F13A1: variants seen among roughly 807,000 people sequenced by gnomAD.
F13A1 encodes coagulation factor XIII A chain.
Under a neutral mutation model 80.1 loss-of-function variants are expected in F13A1, and 47 were observed. That is an observed-to-expected ratio of 0.59 (90% CI 0.46 to 0.75). F13A1 has a LOEUF of 0.75. Among genes scored for constraint, F13A1 ranks in the 30% least tolerant of loss-of-function variants. The pLI, the probability that F13A1 is intolerant of heterozygous loss-of-function variation, is 0.00. For missense variants in F13A1, 817 were observed against 930.4 expected (o/e 0.88, Z 1.59); for synonymous variants, 349 against 344.9 (o/e 1.01, Z -0.13).
chr6:6,296,232 C>G (rs1232602647), intron 3 of F13A1, among the ~76,000 whole-genome samples: 1 of 151,902 alleles, frequency 6.6e-6, no homozygotes, highest in East Asian at 1.9e-4. Flanking sequence ...AATGCGGGCT[C>G]TTTTTTGGTT....
At chr6:6,223,986 G>T (rs1250129034) in intron 7 of F13A1, among the ~76,000 whole-genome samples, 1 of 152,144 alleles carries the variant, frequency 6.6e-6, no homozygotes, top group Admixed American at 6.5e-5. Flanking sequence ...TGAATTAATT[G>T]TAATATCGTC....
At chr6:6,198,771 G>A (rs1389414857) in intron 8 of F13A1, among the ~76,000 whole-genome samples, 1 of 152,160 alleles carries the variant, frequency 6.6e-6, no homozygotes, top group Non-Finnish European at 1.5e-5. Context: ...ACACAGACTG[G>A]CATGTGTTAA....
At chr6:6,211,969 A>T (rs1045153445) in intron 8 of F13A1, among the ~76,000 whole-genome samples, 1 of 152,218 alleles carries the variant, frequency 6.6e-6, no homozygotes, top group African/African-American at 2.4e-5. Flanking sequence ...CGCTTTTCTG[A>T]CGGGCTTAAA....
In F13A1 at chr6:6,320,597, T is replaced by C. The variant is rs1228148693; in HGVS notation, c.-29A>G. ...GGGTCGGTGGCTTACCTGCAGGCGC[T>C]CCCCTCCAGAGGTGCCCTCGCGTGG... On this transcript the variant is annotated 5_prime_UTR_variant, in exon 1 of 15. Transcript: ENST00000264870. 1 of 469,080 alleles carries C rather than the reference T, an allele frequency of 2.1e-6. No individual in the cohort carries two copies. The highest frequency in any genetic ancestry group is 7.0e-5 in the East Asian group (1 of 14,344). The allele number at this position is 469,080 out of a possible 1,614,324, so 29.1% of individuals were successfully genotyped here. A position where few individuals can be genotyped will look rare whatever the true frequency, so the allele number is the denominator to read the frequency against.
rs940850635 is a variant in F13A1, at chr6:6,144,713, G to T, written c.*906C>A. ...GATCCGCCAGCTTCTTCAACTTGTT[G>T]GGCTTATTATATCTCTGAAAGGGGA... On this transcript the variant is annotated 3_prime_UTR_variant, in exon 15 of 15. Coordinates refer to ENST00000264870, the MANE Select transcript of F13A1 (RefSeq NM_000129.4). 3.3e-5 allele frequency: 5 copies of T among 152,400 alleles called. No individual in the cohort carries two copies. Among genetic ancestry groups the T allele is most frequent in the African/African-American group, 1.2e-4 (5 of 41,408 alleles). 9.4% of individuals were successfully genotyped at this position (152,400 alleles called of 1,614,324 possible).
At chr6:6,152,358 G>A (rs1026586361) in intron 13 of F13A1, among the ~76,000 whole-genome samples, 7 of 152,170 alleles carry the variant, frequency 4.6e-5, no homozygotes, top group African/African-American at 1.7e-4. Flanking sequence ...AGTAGAAAAT[G>A]CTTCAGGGCA....
At chr6:6,294,142 G>A (rs1280179185) in intron 3 of F13A1, among the ~76,000 whole-genome samples, 1 of 152,062 alleles carries the variant, frequency 6.6e-6, no homozygotes, top group Non-Finnish European at 1.5e-5. Context: ...TGAGTGTGAT[G>A]GTTAATACTG....
intron 6 of F13A1, among the ~76,000 whole-genome samples, 180 bp from the exon 7 acceptor site, chr6:6,225,040 T>G (rs1321920548): frequency 6.6e-6 from 1 of 152,160 alleles, no homozygotes; most frequent in African/African-American, 2.4e-5. Flanking sequence ...AAAAACTAAA[T>G]ACGCAAGAGG....
At chr6:6,276,968 G>T (rs1267037894) in intron 3 of F13A1, among the ~76,000 whole-genome samples, 1 of 151,944 alleles carries the variant, frequency 6.6e-6, no homozygotes, top group African/African-American at 2.4e-5. Context: ...ACTCTTTCTT[G>T]GCTAAGGGGA....
intron 14 of F13A1, among the ~76,000 whole-genome samples, chr6:6,146,889 C>CA (rs1760290963): frequency 6.6e-6 from 1 of 152,002 alleles, no homozygotes; most frequent in Admixed American, 6.6e-5. Context: ...TGTGCAATTG[C>CA]AAAAATATGG....
Position 6,144,386 on chromosome 6 carries a change from T to G in F13A1, c.*1233A>C, listed in dbSNP as rs1351714255. ...CCCCCAGTATACTTATCACTGTTCA[T>G]TTTTTGCTAAGAATCACAGTCTACT... On this transcript the variant is annotated 3_prime_UTR_variant, in exon 15 of 15. Transcript: ENST00000264870. 6.6e-6 allele frequency: 1 copy of G among 152,216 alleles called. No individual in the cohort carries two copies. The highest frequency in any genetic ancestry group is 1.5e-5 in the Non-Finnish European group (1 of 68,042). 9.4% of individuals were successfully genotyped at this position (152,216 alleles called of 1,614,324 possible).
intron 8 of F13A1, among the ~76,000 whole-genome samples, chr6:6,214,466 G>T (rs1320562618): frequency 1.8e-4 from 20 of 112,376 alleles, no homozygotes; most frequent in African/African-American, 6.5e-4. Flanking sequence ...AAATAAAGAT[G>T]TTCTTTGAAA....
At chr6:6,202,422 G>A (rs765867183) in intron 8 of F13A1, among the ~76,000 whole-genome samples, 3 of 152,176 alleles carry the variant, frequency 2.0e-5, no homozygotes, top group Non-Finnish European at 4.4e-5. Flanking sequence ...CTAGAGCAGG[G>A]CCCAGTCATT....
chr6:6,166,874 G>T (rs1052123967), intron 13 of F13A1, among the ~76,000 whole-genome samples: 1 of 152,196 alleles, frequency 6.6e-6, no homozygotes, highest in Non-Finnish European at 1.5e-5. Context: ...TACTATCTTG[G>T]TGATAGTCTA....
intron 3 of F13A1, among the ~76,000 whole-genome samples, chr6:6,267,374 C>A (rs942272272): frequency 1.3e-5 from 2 of 152,132 alleles, no homozygotes; most frequent in Admixed American, 1.3e-4. Context: ...CTAAGTAATG[C>A]TCTTGAAGAC....
Position 6,144,968 on chromosome 6 carries a change from T to C in F13A1, c.*651A>G, listed in dbSNP as rs1760251723. 1 of 156,590 alleles carries C rather than the reference T, an allele frequency of 6.4e-6. No homozygotes were observed. Among genetic ancestry groups the C allele is most frequent in the African/African-American group, 2.4e-5 (1 of 41,472 alleles). The allele number at this position is 156,590 out of a possible 1,614,324, so 9.7% of individuals were successfully genotyped here. On this transcript the variant is annotated 3_prime_UTR_variant, in exon 15 of 15. Coordinates refer to ENST00000264870, the MANE Select transcript of F13A1 (RefSeq NM_000129.4). ...CTTGAGTGTTGCACCTGCTTTCTTA[T>C]CTCCTTGTAGGTGGTTAAGTTTCCC...
chr6:6,275,369 GTTTGT>G (rs1480370121), intron 3 of F13A1, among the ~76,000 whole-genome samples: 1 of 148,428 alleles, frequency 6.7e-6, no homozygotes, highest in African/African-American at 2.5e-5. Context: ...TATTTTTTTT[GTTTGT>G]TTTGTTTTGT....
chr6:6,319,989 C>A lies in F13A1; in HGVS notation c.-19+598G>T, dbSNP rs117200271. 8.3e-4 allele frequency among the ~76,000 whole-genome samples: 127 copies of A among 152,248 alleles called. No individual in the cohort carries two copies. The East Asian group carries it at 0.02, about 24-fold the overall frequency. On this transcript the variant is annotated intron_variant, in intron 1 of 14. Transcript: ENST00000264870. Reference sequence around the variant, plus strand: ...GTAGGCTGCGGCATTGCCAGGGGTGCAGAACAGTGTGGCGCGCTGTCGGGA... The same window carrying A: ...GTAGGCTGCGGCATTGCCAGGGGTGAAGAACAGTGTGGCGCGCTGTCGGGA...
intron 13 of F13A1, among the ~76,000 whole-genome samples, chr6:6,158,203 CT>C (rs1760510680): frequency 6.6e-6 from 1 of 152,072 alleles, no homozygotes. Context: ...CACAAATAAC[CT>C]GAAACAGTGT....
Sources: allele counts gnomAD v4.1 joint callset (sites outside exome capture counted in the v4.1 genomes callset), GRCh38; gene constraint gnomAD v4.1.1; transcripts MANE v1.5; gene names NCBI Gene and HGNC (gene_info 2026-07-23, HGNC 2026-07-21).